The following NME7 variants were observed in gnomAD, a reference collection of about 807,000 sequenced individuals.
NME7 encodes the protein nucleoside diphosphate kinase 7.
In NME7, 41 loss-of-function variants were observed where a neutral mutation model predicts 49.1. The ratio of observed to expected loss-of-function variants is 0.83; its 90% CI spans 0.65 to 1.08. NME7 has a LOEUF of 1.08. Among genes scored for constraint, NME7 ranks in the 50% least tolerant of loss-of-function variants. The pLI is 0.00. For missense variants in NME7, 423 were observed against 463.4 expected, an observed-to-expected ratio of 0.91 and a Z score of 0.80; for synonymous variants, 139 against 150.6, an observed-to-expected ratio of 0.92 and a Z score of 0.56.
chr1:169,154,978 AT>A (rs981985257), intron 11 of NME7, among the ~76,000 whole-genome samples: 19 of 151,582 alleles, frequency 1.3e-4, no homozygotes, highest in African/African-American at 3.9e-4. Context: ...ATTTAAAAAA[AT>A]TTTTTTTTAA....
intron 3 of NME7, among the ~76,000 whole-genome samples, chr1:169,319,685 T>C (rs1427649447): frequency 1.3e-5 from 2 of 152,158 alleles, no homozygotes; most frequent in East Asian, 1.9e-4. Context: ...CACAGTTGAC[T>C]TCATAATTTT....
At chr1:169,213,767 A>C (rs1660895931) in intron 10 of NME7, among the ~76,000 whole-genome samples, 1 of 152,108 alleles carries the variant, frequency 6.6e-6, no homozygotes. Flanking sequence ...GTCAGACAGC[A>C]GTTGAGCTGT....
intron 11 of NME7, among the ~76,000 whole-genome samples, chr1:169,165,340 A>C (rs1217335037): frequency 6.6e-6 from 1 of 152,164 alleles, no homozygotes; most frequent in Non-Finnish European, 1.5e-5. Flanking sequence ...ATAATGGATA[A>C]TGACAAAATA....
chr1:169,322,758 C>T (rs1366905455), intron 3 of NME7, among the ~76,000 whole-genome samples: 1 of 151,686 alleles, frequency 6.6e-6, no homozygotes, highest in African/African-American at 2.4e-5. Flanking sequence ...ACCTCCTGGT[C>T]AACTAGATCA....
chr1:169,211,146 C>A (rs1660806366), intron 10 of NME7, among the ~76,000 whole-genome samples: 1 of 152,004 alleles, frequency 6.6e-6, no homozygotes, highest in Non-Finnish European at 1.5e-5. Context: ...TGAGAGGATA[C>A]AATTACCATA....
Position 169,158,682 on chromosome 1 carries a change from A to G in NME7, c.1098+10765T>C, listed in dbSNP as rs552462151. 2.2e-4 allele frequency among the ~76,000 whole-genome samples: 33 copies of G among 152,308 alleles called. 1 individual carries two copies. The East Asian group carries it at 6.2e-3, about 28-fold the overall frequency. On this transcript the variant is annotated intron_variant, in intron 11 of 11. Coordinates refer to ENST00000367811, the MANE Select transcript of NME7 (RefSeq NM_013330.5). ...CGCTGCACTAGGACGGTAGTTCTCA[A>G]ATTTCATGGGCATCAGAAGCACCTG...
chr1:169,198,744 T>A (rs1313790228), intron 10 of NME7, among the ~76,000 whole-genome samples: 1 of 152,002 alleles, frequency 6.6e-6, no homozygotes, highest in African/African-American at 2.4e-5. Context: ...CCAAAAGGTA[T>A]AGGGCTTGTT....
intron 7 of NME7, among the ~76,000 whole-genome samples, chr1:169,248,417 C>G (rs1027138826): frequency 2.0e-5 from 3 of 151,942 alleles, no homozygotes; most frequent in Admixed American, 1.3e-4. Context: ...TTTTCTCCCA[C>G]TCTGTGGGTT....
chr1:169,218,659 A>ATTTTTT (rs34342694), intron 10 of NME7, among the ~76,000 whole-genome samples: 3 of 118,204 alleles, frequency 2.5e-5, no homozygotes, highest in Admixed American at 8.8e-5. Context: ...CCAATTTTGA[A>ATTTTTT]TTTTTTTTTT....
In NME7 at chr1:169,270,842, C is replaced by A. The variant is rs570471500; in HGVS notation, c.754+16461G>T. Among the ~76,000 whole-genome samples, 73 of 132,934 alleles carry A rather than the reference C, an allele frequency of 5.5e-4. 16 individuals are homozygous for A. Among genetic ancestry groups the A allele is most frequent in the Non-Finnish European group, 1.2e-3 (66 of 56,510 alleles). The allele number at this position is 132,934 out of a possible 152,430, so 87.2% of individuals were successfully genotyped here. On this transcript the variant is annotated intron_variant, in intron 7 of 11. Coordinates refer to ENST00000367811, the MANE Select transcript of NME7 (RefSeq NM_013330.5). ...GAGATGAAGTAATTAATCCAATATC[C>A]CATAGCTAGTAAGTGGCAGAGCCAG...
intron 11 of NME7, among the ~76,000 whole-genome samples, chr1:169,136,886 A>G (rs1441084154): frequency 1.3e-5 from 2 of 152,152 alleles, no homozygotes; most frequent in Non-Finnish European, 1.5e-5. Context: ...GCAGGCATCT[A>G]TTTTCCAATG....
In NME7 at chr1:169,256,210, G is replaced by A. The variant is rs1446726957; in HGVS notation, c.755-18523C>T. Among the ~76,000 whole-genome samples, 6 of 133,322 alleles carry A rather than the reference G, an allele frequency of 4.5e-5. 2 individuals carry two copies. The highest frequency in any genetic ancestry group is 2.3e-4 in the South Asian group (1 of 4,322). 87.5% of individuals were successfully genotyped at this position (133,322 alleles called of 152,430 possible). ...TCACTTTCAGGTACACCAATCAGAC[G>A]TAGATTTGGTCTTTTCACATAGTCC... On this transcript the variant is annotated intron_variant, in intron 7 of 11. Coordinates refer to ENST00000367811, the MANE Select transcript of NME7 (RefSeq NM_013330.5).
intron 1 of NME7, among the ~76,000 whole-genome samples, chr1:169,362,928 A>G (rs940742316): frequency 5.3e-5 from 8 of 152,186 alleles, no homozygotes; most frequent in Non-Finnish European, 8.8e-5. Context: ...TTGAGATTTC[A>G]ACTATTTTGC....
intron 10 of NME7, among the ~76,000 whole-genome samples, chr1:169,202,181 T>C (rs532027093): frequency 1.2e-3 from 189 of 152,328 alleles, no homozygotes; most frequent in Non-Finnish European, 1.9e-3. Context: ...CCAAATCTCA[T>C]ATTGAATTGT....
intron 10 of NME7, among the ~76,000 whole-genome samples, chr1:169,226,777 TATC>T (rs1647357836): frequency 1.3e-5 from 2 of 152,178 alleles, no homozygotes; most frequent in South Asian, 4.1e-4. Context: ...ACTGAAACAT[TATC>T]ATATTTCCAC....
intron 10 of NME7, among the ~76,000 whole-genome samples, chr1:169,190,917 A>G (rs1396472497): frequency 1.0e-5 from 1 of 97,694 alleles, no homozygotes; most frequent in African/African-American, 3.6e-5. Context: ...GGTTCACGCC[A>G]TTCTCCTGCC....
chr1:169,204,868 T>C (rs927129585), intron 10 of NME7, among the ~76,000 whole-genome samples: 1 of 152,100 alleles, frequency 6.6e-6, no homozygotes, highest in Non-Finnish European at 1.5e-5. Context: ...GCTATCTGTG[T>C]TCTTTGGGCA....
chr1:169,144,045 T>G (rs1658683886), intron 11 of NME7, among the ~76,000 whole-genome samples: 2 of 152,110 alleles, frequency 1.3e-5, no homozygotes, highest in Non-Finnish European at 2.9e-5. Flanking sequence ...AAAATAATTA[T>G]ATGACTTGAG....
intron 10 of NME7, among the ~76,000 whole-genome samples, chr1:169,203,544 C>A (rs1156329296): frequency 6.6e-6 from 1 of 152,070 alleles, no homozygotes; most frequent in Non-Finnish European, 1.5e-5. Flanking sequence ...GAATGTATTA[C>A]AATTAGGCCT....
Sources: allele counts gnomAD v4.1 joint callset (sites outside exome capture counted in the v4.1 genomes callset), GRCh38; gene constraint gnomAD v4.1.1; transcripts MANE v1.5; gene names NCBI Gene and HGNC (gene_info 2026-07-23, HGNC 2026-07-21).